The following DSCAML1 variants were observed in gnomAD, a reference collection of about 807,000 sequenced individuals.
The protein encoded by DSCAML1 is cell adhesion molecule DSCAML1.
A neutral mutation model predicts 200.5 loss-of-function variants in DSCAML1; 38 were observed. The observed-to-expected ratio is 0.19, with a 90% CI of 0.15 to 0.25. The LOEUF is 0.25. Among genes scored for constraint, DSCAML1 ranks in the 10% least tolerant of loss-of-function variants. The pLI, the probability that DSCAML1 is intolerant of heterozygous loss-of-function variation, is 1.00. For synonymous variants in DSCAML1, 1,215 were observed against 1,165.0 expected (o/e 1.04, Z -0.87); for missense variants, 2,223 against 2,858.8 (o/e 0.78, Z 5.07).
intron 3 of DSCAML1, among the ~76,000 whole-genome samples, chr11:117,719,193 G>A (rs145840124): frequency 3.7e-3 from 556 of 152,268 alleles, no homozygotes; most frequent in African/African-American, 0.013. Context: ...CCAGCACTTT[G>A]GGAGGCTGAG....
chr11:117,703,157 G>A (rs1229453490), intron 3 of DSCAML1, among the ~76,000 whole-genome samples: 4 of 152,144 alleles, frequency 2.6e-5, no homozygotes, highest in South Asian at 2.1e-4. Flanking sequence ...AGAATTTCAG[G>A]GCTGCCCAGC....
chr11:117,682,355 G>C (rs865993954), intron 3 of DSCAML1, among the ~76,000 whole-genome samples: 1 of 152,020 alleles, frequency 6.6e-6, no homozygotes, highest in Non-Finnish European at 1.5e-5. Context: ...TGAACCTGAA[G>C]ACACCCTCCC....
Position 117,645,124 on chromosome 11 carries a change from A to T in DSCAML1, c.512-112602T>A, listed in dbSNP as rs536211093. 3.0e-4 allele frequency among the ~76,000 whole-genome samples: 45 copies of T among 152,328 alleles called. 1 individual carries two copies. Among genetic ancestry groups the T allele is most frequent in the African/African-American group, 1.1e-3 (45 of 41,572 alleles). The stretch of plus-strand genomic sequence containing the variant: ...TGGTTCATGTCTCAGCATGGAAGGA[A>T]AATGCTTTCCATGAGACCTGCAGGG... On this transcript the variant is annotated intron_variant, in intron 3 of 32. Transcript: ENST00000651296.
intron 3 of DSCAML1, among the ~76,000 whole-genome samples, chr11:117,772,837 A>G (rs1031765262): frequency 2.6e-5 from 4 of 152,296 alleles, no homozygotes; most frequent in Middle Eastern, 3.4e-3. Context: ...TCACACCAGG[A>G]TCAGTTCCCT....
chr11:117,515,195 C>T (rs1387915196), intron 8 of DSCAML1, among the ~76,000 whole-genome samples: 2 of 152,234 alleles, frequency 1.3e-5, no homozygotes, highest in African/African-American at 4.8e-5. Context: ...CTTATCCTCC[C>T]CAGGCCTGAG....
intron 3 of DSCAML1, among the ~76,000 whole-genome samples, chr11:117,769,221 ATTG>A (rs2054963766): frequency 3.8e-4 from 2 of 5,262 alleles, no homozygotes; most frequent in Non-Finnish European, 7.5e-4. Flanking sequence ...TTTTATATAT[ATTG>A]TATATATTAT....
rs980875104 is a variant in DSCAML1, at chr11:117,564,666, C to T, written c.512-32144G>A. On this transcript the variant is annotated intron_variant, in intron 3 of 32. Coordinates refer to ENST00000651296, the MANE Select transcript of DSCAML1 (RefSeq NM_020693.4). ...CTCTTTCTTTCTTTCTTTTTCTTTC[C>T]TTCCTCCTTCCTTCCTTCCTTCCTA... 2.7e-5 allele frequency among the ~76,000 whole-genome samples: 4 copies of T among 150,564 alleles called. No individual in the cohort carries two copies. The Admixed American group carries it at 2.7e-4, about 10-fold the overall frequency.
intron 3 of DSCAML1, among the ~76,000 whole-genome samples, chr11:117,723,195 T>C (rs2054068910): frequency 6.6e-6 from 1 of 152,250 alleles, no homozygotes; most frequent in African/African-American, 2.4e-5. Context: ...ACTATACTGG[T>C]ATTTATTACC....
intron 21 of DSCAML1, among the ~76,000 whole-genome samples, chr11:117,440,611 G>A (rs952858333): frequency 6.6e-6 from 1 of 152,118 alleles, no homozygotes; most frequent in Non-Finnish European, 1.5e-5. Flanking sequence ...GCCACCAGAG[G>A]GTTATAAGAA....
intron 31 of DSCAML1, among the ~76,000 whole-genome samples, 153 bp downstream of exon 31, chr11:117,431,381 G>A (rs2047789162): frequency 6.6e-6 from 1 of 152,226 alleles, no homozygotes; most frequent in African/African-American, 2.4e-5. Context: ...TGTCCCAGCT[G>A]CACAGTGGGT....
At chr11:117,674,709 G>T (rs549926897) in intron 3 of DSCAML1, among the ~76,000 whole-genome samples, 2 of 152,248 alleles carry the variant, frequency 1.3e-5, no homozygotes, top group South Asian at 4.1e-4. Flanking sequence ...TGGGAGGGCC[G>T]AGTGGTCCAA....
At chr11:117,763,550 C>G (rs1032230768) in intron 3 of DSCAML1, among the ~76,000 whole-genome samples, 2 of 152,108 alleles carry the variant, frequency 1.3e-5, no homozygotes, top group African/African-American at 4.8e-5. Context: ...CATTGCCCTT[C>G]GATACATACA....
At chr11:117,677,560 G>T (rs2053237269) in intron 3 of DSCAML1, among the ~76,000 whole-genome samples, 1 of 152,064 alleles carries the variant, frequency 6.6e-6, no homozygotes, top group Non-Finnish European at 1.5e-5. Flanking sequence ...GCAGGGGCTG[G>T]TGAGGACCCT....
Position 117,463,804 on chromosome 11 carries a change from G to T in DSCAML1, c.3265+1138C>A, listed in dbSNP as rs2137156329. The stretch of plus-strand genomic sequence containing the variant: ...CAGTGCTCTGGGGCTATTGAAGTCG[G>T]CCCCATCTTAAAGCCCAGCTTTTGC... On this transcript the variant is annotated intron_variant, in intron 17 of 32. Coordinates refer to ENST00000651296, the MANE Select transcript of DSCAML1 (RefSeq NM_020693.4). This position sits in a 1 kb window ranked among gnomAD's most constrained non-coding sequence, Gnocchi z 4.0. Among the ~76,000 whole-genome samples, 4 of 152,286 alleles carry T rather than the reference G, an allele frequency of 2.6e-5. 2 individuals carry two copies. The highest frequency in any genetic ancestry group is 2.6e-4 in the Admixed American group (4 of 15,298).
intron 8 of DSCAML1, among the ~76,000 whole-genome samples, chr11:117,512,340 CCCT>C (rs1263524124): frequency 6.6e-6 from 1 of 152,178 alleles, no homozygotes; most frequent in East Asian, 1.9e-4. Context: ...TCCTCCACCC[CCCT>C]CCTTGGGTAG....
chr11:117,511,689 C>G (rs1468902613), intron 8 of DSCAML1, among the ~76,000 whole-genome samples: 3 of 152,222 alleles, frequency 2.0e-5, no homozygotes, highest in South Asian at 2.1e-4. Context: ...TCCCACTTTA[C>G]TGGAACACAG....
intron 8 of DSCAML1, among the ~76,000 whole-genome samples, chr11:117,509,050 T>G (rs773049287): frequency 3.9e-5 from 6 of 152,084 alleles, no homozygotes; most frequent in African/African-American, 7.2e-5. Context: ...CTGGGGAAAG[T>G]AGAAACACAC....
intron 3 of DSCAML1, among the ~76,000 whole-genome samples, chr11:117,713,125 G>A (rs980959352): frequency 6.6e-6 from 1 of 151,974 alleles, no homozygotes; most frequent in African/African-American, 2.4e-5. Context: ...CGTTTTTTGG[G>A]AGACTCTGTC....
At chr11:117,692,462 G>A (rs1319829526) in intron 3 of DSCAML1, among the ~76,000 whole-genome samples, 1 of 151,918 alleles carries the variant, frequency 6.6e-6, no homozygotes, top group Non-Finnish European at 1.5e-5. Context: ...ATAGGGCTCT[G>A]TCCATTGTAG....
Sources: gnomAD v4.1 joint callset for allele counts (sites outside exome capture counted in the v4.1 genomes callset) on GRCh38, gnomAD v4.1.1 for gene constraint, Gnocchi (gnomAD v3.1) non-coding constraint, MANE v1.5 for transcripts, NCBI Gene and HGNC (gene_info 2026-07-23, HGNC 2026-07-21) for gene names.